The following ADAMTS19 variants were observed in gnomAD, a reference collection of about 807,000 sequenced individuals.
The protein encoded by ADAMTS19 is ADAM metallopeptidase with thrombospondin type 1 motif 19.
A neutral mutation model predicts 153.3 loss-of-function variants in ADAMTS19; 93 were observed. The observed-to-expected ratio is 0.61, with a 90% CI of 0.51 to 0.72. The LOEUF is 0.72. Among genes scored for constraint, ADAMTS19 ranks in the 30% least tolerant of loss-of-function variants. ADAMTS19 has a pLI of 0.00. For missense variants in ADAMTS19, 1,482 were observed against 1,552.1 expected (o/e 0.95, Z 0.76); for synonymous variants, 600 against 556.6 (o/e 1.08, Z -1.10).
At chr5:129,624,096 C>A (rs62399039) in intron 10 of ADAMTS19, among the ~76,000 whole-genome samples, 1 of 128,296 alleles carries the variant, frequency 7.8e-6, no homozygotes, top group Non-Finnish European at 1.6e-5. Context: ...CACTGCACTC[C>A]GGCCTGGACT....
intron 21 of ADAMTS19, among the ~76,000 whole-genome samples, chr5:129,712,786 C>T (rs1181274423): frequency 6.6e-6 from 1 of 151,958 alleles, no homozygotes; most frequent in East Asian, 1.9e-4. Flanking sequence ...TATATGCTAC[C>T]CTAAAAAAAT....
At position 129,602,826 on chromosome 5, in the gene ADAMTS19, C is replaced by CTCTGTG. The variant is rs143456636; in HGVS notation, c.1478+6163_1478+6164insCTGTGT. Among the ~76,000 whole-genome samples, 1,148 of 146,700 alleles carry CTCTGTG rather than the reference C, an allele frequency of 7.8e-3. 17 individuals are homozygous for CTCTGTG. The highest frequency in any genetic ancestry group is 0.026 in the African/African-American group (1,043 of 39,988). On this transcript the variant is annotated intron_variant, in intron 8 of 22. Transcript: ENST00000274487. The stretch of plus-strand genomic sequence containing the variant: ...TTTTTGTATTGTTGTCTTATATTCT[C>CTCTGTG]TGTGTGTGTGTGTGTGTGTGTGTGT...
At chr5:129,643,048 G>A (rs1337842411) in intron 11 of ADAMTS19, among the ~76,000 whole-genome samples, 4 of 152,074 alleles carry the variant, frequency 2.6e-5, no homozygotes, top group African/African-American at 9.7e-5. Context: ...CTAACCTGAA[G>A]AGATCTATAA....
At chr5:129,642,116 A>G (rs1752817183) in intron 11 of ADAMTS19, among the ~76,000 whole-genome samples, 156 bp downstream of exon 11, 1 of 151,662 alleles carries the variant, frequency 6.6e-6, no homozygotes. Flanking sequence ...TTTAACATTT[A>G]TACTTTTTAA....
At chr5:129,520,539 C>A (rs1395536567) in intron 3 of ADAMTS19, among the ~76,000 whole-genome samples, 1 of 152,090 alleles carries the variant, frequency 6.6e-6, no homozygotes, top group African/African-American at 2.4e-5. Flanking sequence ...GAAAGATAAA[C>A]AATGTTTGTA....
chr5:129,606,250 A>G (rs1750886618), intron 8 of ADAMTS19, among the ~76,000 whole-genome samples: 2 of 152,164 alleles, frequency 1.3e-5, no homozygotes, highest in Non-Finnish European at 2.9e-5. Context: ...ACTTCTCTGG[A>G]AATTGCGCCT....
intron 6 of ADAMTS19, among the ~76,000 whole-genome samples, chr5:129,543,782 C>A (rs1426531825): frequency 1.3e-5 from 2 of 152,122 alleles, no homozygotes; most frequent in Non-Finnish European, 2.9e-5. Flanking sequence ...GTGTTCTCAG[C>A]TAAGAGAACC....
In ADAMTS19 at chr5:129,460,340, A is replaced by T. The variant is rs1319960656; in HGVS notation, c.-52A>T. On this transcript the variant is annotated 5_prime_UTR_variant, in exon 1 of 23. Transcript: ENST00000274487. ...GGGAGGCCGCTGCGCCCCGGAGTGG[A>T]TCGCGCTGGAGGCGTGCGCCGGGCG... is the stretch of plus-strand genomic sequence containing the variant. 5 of 1,350,956 alleles carry T rather than the reference A, an allele frequency of 3.7e-6. No individual in the cohort carries two copies. Among genetic ancestry groups the T allele is most frequent in the Non-Finnish European group, 5.0e-6 (5 of 1,006,028 alleles). 83.7% of individuals were successfully genotyped at this position (1,350,956 alleles called of 1,614,324 possible).
intron 21 of ADAMTS19, among the ~76,000 whole-genome samples, chr5:129,725,756 A>T (rs559294595): frequency 6.6e-6 from 1 of 151,902 alleles, no homozygotes; most frequent in Non-Finnish European, 1.5e-5. Context: ...CTAGCATAAC[A>T]CTACCACCCA....
At chr5:129,562,801 T>TA (rs1231357809) in intron 7 of ADAMTS19, among the ~76,000 whole-genome samples, 2 of 152,176 alleles carry the variant, frequency 1.3e-5, no homozygotes, top group Non-Finnish European at 2.9e-5. Context: ...GTGTATCCTT[T>TA]ACCACCAAGT....
At chr5:129,613,430 T>C (rs898905074) in intron 8 of ADAMTS19, among the ~76,000 whole-genome samples, 1 of 152,172 alleles carries the variant, frequency 6.6e-6, no homozygotes, top group Non-Finnish European at 1.5e-5. Context: ...TGTTCCTGAA[T>C]GACTACTGGG....
intron 11 of ADAMTS19, among the ~76,000 whole-genome samples, chr5:129,644,606 C>T (rs1173385167): frequency 6.6e-6 from 1 of 152,018 alleles, no homozygotes; most frequent in East Asian, 1.9e-4. Flanking sequence ...TTGTTTTCTT[C>T]TCTTTTTATA....
At chr5:129,696,357 T>C (rs1464652349) in intron 19 of ADAMTS19, among the ~76,000 whole-genome samples, 1 of 152,080 alleles carries the variant, frequency 6.6e-6, no homozygotes, top group Non-Finnish European at 1.5e-5. Flanking sequence ...GTGGAGGTTC[T>C]AGTGAGCAGA....
chr5:129,576,059 G>A (rs562991127), intron 7 of ADAMTS19, among the ~76,000 whole-genome samples: 1 of 151,300 alleles, frequency 6.6e-6, no homozygotes. Flanking sequence ...GGAGGAAGGG[G>A]GTGGGTGGGT....
At chr5:129,506,417 TTTTTAAAAGTAGCTTTCTTG>T (rs1581017945) in intron 2 of ADAMTS19, among the ~76,000 whole-genome samples, 1 of 150,978 alleles carries the variant, frequency 6.6e-6, no homozygotes, top group East Asian at 1.9e-4. Context: ...AGCTTTCTTG[TTTTTAAAAGTAGCTTTCTTG>T]TTTTTTTTTT....
chr5:129,640,860 T>G (rs2127021865), intron 10 of ADAMTS19, among the ~76,000 whole-genome samples: 1 of 152,238 alleles, frequency 6.6e-6, no homozygotes, highest in East Asian at 1.9e-4. Flanking sequence ...AGTCTCACCC[T>G]GTCACCCAGG....
chr5:129,613,640 G>A (rs1254198920), intron 8 of ADAMTS19, among the ~76,000 whole-genome samples: 2 of 152,078 alleles, frequency 1.3e-5, no homozygotes, highest in Non-Finnish European at 2.9e-5. Context: ...TGAAGCAAGA[G>A]CAAACACATT....
chr5:129,537,693 G>C (rs192243617), intron 6 of ADAMTS19, among the ~76,000 whole-genome samples: 1 of 151,622 alleles, frequency 6.6e-6, no homozygotes, highest in Non-Finnish European at 1.5e-5. Flanking sequence ...ACCAAACACC[G>C]CATGTTCTCA....
intron 12 of ADAMTS19, 83 bp downstream of exon 12, chr5:129,647,978 C>A: frequency 1.4e-6 from 2 of 1,444,692 alleles, no homozygotes; most frequent in Non-Finnish European, 1.9e-6. Flanking sequence ...TGTTGGAAAG[C>A]AAAAGAAGCT....
Sources: gnomAD v4.1 joint callset for allele counts (sites outside exome capture counted in the v4.1 genomes callset) on GRCh38, gnomAD v4.1.1 for gene constraint, MANE v1.5 for transcripts, NCBI Gene and HGNC (gene_info 2026-07-23, HGNC 2026-07-21) for gene names.